Variants in TRMT9B observed in about 807,000 individuals in gnomAD.
The protein encoded by TRMT9B is probable tRNA methyltransferase 9B.
A neutral mutation model predicts 11.5 loss-of-function variants in TRMT9B; 16 were observed. That is an observed-to-expected ratio of 1.39 (90% CI 0.94 to 2.11). The LOEUF is 2.11. Among genes scored for constraint, TRMT9B ranks in the 30% most tolerant of loss-of-function variants. The pLI is 0.00. For missense variants in TRMT9B, 941 were observed against 553.8 expected, an observed-to-expected ratio of 1.70 and a Z score of -7.02; for synonymous variants, 274 against 192.4, an observed-to-expected ratio of 1.42 and a Z score of -3.51.
At chr8:13,014,981 C>A (rs964779929) in intron 4 of TRMT9B, among the ~76,000 whole-genome samples, 1 of 151,860 alleles carries the variant, frequency 6.6e-6, no homozygotes, top group African/African-American at 2.4e-5. Flanking sequence ...ATTGCTTGAA[C>A]CCAGAAGGAA....
chr8:12,959,516 CT>C lies in TRMT9B; in HGVS notation c.-200+13573del, dbSNP rs61536433. Among the ~76,000 whole-genome samples, 565 of 74,928 alleles carry C rather than the reference CT, an allele frequency of 7.5e-3. 8 individuals carry two copies. The highest frequency in any genetic ancestry group is 0.023 in the African/African-American group (451 of 19,962). The allele number at this position is 74,928 out of a possible 152,430, so 49.2% of individuals were successfully genotyped here. ...TCTCCTCTCCTTTCCTTTTTCCTTC[CT>C]TTTTTTTTTTTTTTTTTTTTTTGAC... On this transcript the variant is annotated intron_variant, in intron 1 of 4. Coordinates refer to ENST00000524591, the MANE Select transcript of TRMT9B (RefSeq NM_020844.3).
At chr8:13,014,546 G>T (rs1406632737) in intron 4 of TRMT9B, among the ~76,000 whole-genome samples, 1 of 152,028 alleles carries the variant, frequency 6.6e-6, no homozygotes, top group Admixed American at 6.5e-5. Context: ...CCATAATGGG[G>T]GCCCCACTCT....
intron 1 of TRMT9B, among the ~76,000 whole-genome samples, chr8:12,988,705 C>G (rs1195337607): frequency 6.6e-6 from 1 of 152,146 alleles, no homozygotes; most frequent in African/African-American, 2.4e-5. Context: ...CAATTACCTC[C>G]CACCAGTTCC....
At chr8:12,982,357 C>G (rs1805549665) in intron 1 of TRMT9B, among the ~76,000 whole-genome samples, 1 of 152,186 alleles carries the variant, frequency 6.6e-6, no homozygotes, top group Non-Finnish European at 1.5e-5. Flanking sequence ...TGGACTCTGT[C>G]TGAAATTCAA....
chr8:12,953,413 G>A (rs1187296930), intron 1 of TRMT9B, among the ~76,000 whole-genome samples: 2 of 151,986 alleles, frequency 1.3e-5, no homozygotes, highest in Non-Finnish European at 2.9e-5. Context: ...GCAGTGGTGC[G>A]ATCTTGGCTC....
chr8:12,984,449 A>G (rs1018135994), intron 1 of TRMT9B, among the ~76,000 whole-genome samples: 1 of 152,222 alleles, frequency 6.6e-6, no homozygotes, highest in Non-Finnish European at 1.5e-5. Flanking sequence ...GTTGAAAACC[A>G]TGATCTTCAT....
intron 1 of TRMT9B, chr8:12,961,824 C>T (rs1250050044): frequency 6.6e-6 from 1 of 152,148 alleles, no homozygotes; most frequent in Non-Finnish European, 1.5e-5. Flanking sequence ...GCTCTGTTGC[C>T]TTAATCCCAG....
intron 4 of TRMT9B, among the ~76,000 whole-genome samples, chr8:13,020,620 T>A (rs1813649306): frequency 6.6e-6 from 1 of 152,170 alleles, no homozygotes; most frequent in African/African-American, 2.4e-5. Flanking sequence ...AAAGGGAACA[T>A]TTAATATCTC....
chr8:13,013,947 TC>T (rs753391284), intron 4 of TRMT9B, among the ~76,000 whole-genome samples: 4 of 152,010 alleles, frequency 2.6e-5, no homozygotes, highest in African/African-American at 7.2e-5. Context: ...GAGACTCATC[TC>T]AAAAAAATAA....
rs750666886 is a variant in TRMT9B, at chr8:13,021,166, G to C, written c.487G>C (p.Ala163Pro). The change falls in exon 5 of 5, where the codon GCT (alanine) becomes CCT (proline). Residue 163 changes from alanine (A) to proline (P), a missense_variant. Coordinates refer to ENST00000524591, the MANE Select transcript of TRMT9B (RefSeq NM_020844.3). ...KQDVLVPWNR[A>P]LCSQLFSESS... ...AGACGTGCTTGTTCCATGGAACAGG[G>C]CTCTGTGTTCCCAGCTCTTCTCAGA... 1 of 1,613,904 alleles carries C rather than the reference G, an allele frequency of 6.2e-7. No homozygotes were observed. The highest frequency in any genetic ancestry group is 8.5e-7 in the Non-Finnish European group (1 of 1,179,822).
rs1814513040 is a variant in TRMT9B, at chr8:13,024,950, T to A, written c.*2906T>A. 6.0e-6 allele frequency: 1 copy of A among 167,074 alleles called. No homozygotes were observed. The highest frequency in any genetic ancestry group is 1.5e-5 in the Non-Finnish European group (1 of 68,114). 10.3% of individuals were successfully genotyped at this position (167,074 alleles called of 1,614,324 possible). ...AAGAGCAAAACTAATGTAAACGTCTTGATCATTTAAAAAGCTTGCTTGTCC... is the reference window on the plus strand; with the variant it reads ...AAGAGCAAAACTAATGTAAACGTCTAGATCATTTAAAAAGCTTGCTTGTCC... On this transcript the variant is annotated 3_prime_UTR_variant, in exon 5 of 5. Coordinates refer to ENST00000524591, the MANE Select transcript of TRMT9B (RefSeq NM_020844.3).
intron 1 of TRMT9B, among the ~76,000 whole-genome samples, chr8:12,987,782 T>C (rs957369121): frequency 6.6e-6 from 1 of 152,158 alleles, no homozygotes; most frequent in Non-Finnish European, 1.5e-5. Context: ...AACATTTACA[T>C]TAGCCGACAG....
At chr8:12,950,814 T>C (rs994065518) in intron 1 of TRMT9B, among the ~76,000 whole-genome samples, 2 of 152,130 alleles carry the variant, frequency 1.3e-5, no homozygotes, top group East Asian at 3.8e-4. Flanking sequence ...TAGACCAGCG[T>C]CTATGTGAGA....
At chr8:12,988,084 T>C (rs937947038) in intron 1 of TRMT9B, among the ~76,000 whole-genome samples, 1 of 152,226 alleles carries the variant, frequency 6.6e-6, no homozygotes, top group Non-Finnish European at 1.5e-5. Flanking sequence ...TATTCATTTA[T>C]TGGCTTTGTG....
chr8:13,009,507 G>A (rs2954190), intron 3 of TRMT9B, among the ~76,000 whole-genome samples: 38,975 of 151,962 alleles, frequency 0.26, 5,650 homozygotes, highest in East Asian at 0.6. Flanking sequence ...AGTCCCTGGC[G>A]CCAAGCAACC....
intron 1 of TRMT9B, among the ~76,000 whole-genome samples, chr8:12,976,686 G>C (rs145777911): frequency 6.6e-6 from 1 of 152,160 alleles, no homozygotes; most frequent in Non-Finnish European, 1.5e-5. Flanking sequence ...TAAAAGGCCC[G>C]TTCACAAAGT....
intron 1 of TRMT9B, among the ~76,000 whole-genome samples, chr8:12,962,601 G>C (rs2946494): frequency 6.6e-6 from 1 of 151,722 alleles, no homozygotes; most frequent in Non-Finnish European, 1.5e-5. Context: ...AGCGATCCTC[G>C]TACCTCAGCC....
chr8:12,981,604 A>ATT (rs149457142), intron 1 of TRMT9B, among the ~76,000 whole-genome samples: 184 of 150,654 alleles, frequency 1.2e-3, no homozygotes, highest in Middle Eastern at 3.4e-3. Context: ...TTATTTATTT[A>ATT]TTTTTTTTTG....
At chr8:12,967,236 T>A (rs1028116604) in intron 1 of TRMT9B, among the ~76,000 whole-genome samples, 3 of 152,186 alleles carry the variant, frequency 2.0e-5, no homozygotes, top group Non-Finnish European at 2.9e-5. Flanking sequence ...ATCAGTTAAG[T>A]TAAATACCAG....
Sources: gnomAD v4.1 joint callset for allele counts (sites outside exome capture counted in the v4.1 genomes callset) on GRCh38, gnomAD v4.1.1 for gene constraint, MANE v1.5 for transcripts, NCBI Gene and HGNC (gene_info 2026-07-23, HGNC 2026-07-21) for gene names.